ALPK1: variants seen among roughly 807,000 people sequenced by gnomAD.
The protein encoded by ALPK1 is alpha kinase 1.
ALPK1 carries 110 observed loss-of-function variants against 120.6 expected under a neutral mutation model. That is an observed-to-expected ratio of 0.91 (90% CI 0.78 to 1.07). The LOEUF (loss-of-function observed/expected upper bound fraction) is 1.07, where lower values mean the gene tolerates loss of function less well. Ranked by LOEUF, ALPK1 falls within the 50% of genes least tolerant of loss-of-function variation. The pLI is 0.00. For synonymous variants in ALPK1, 582 were observed against 560.3 expected (o/e 1.04, Z -0.55); for missense variants, 1,498 against 1,483.9 (o/e 1.01, Z -0.16).
chr4:112,380,899 G>A (rs1433147105), intron 3 of ALPK1, among the ~76,000 whole-genome samples: 1 of 152,166 alleles, frequency 6.6e-6, no homozygotes, highest in Non-Finnish European at 1.5e-5. Flanking sequence ...GCTCCCTTGG[G>A]TTTGGAAGTG....
At chr4:112,438,243 C>T (rs932810510) in intron 12 of ALPK1, among the ~76,000 whole-genome samples, 7 of 152,168 alleles carry the variant, frequency 4.6e-5, no homozygotes. Context: ...CATTAAGTGA[C>T]ACTTTCCCTT....
Position 112,431,235 on chromosome 4 carries a change from G to A in ALPK1, c.1688G>A (p.Ser563Asn), listed in dbSNP as rs771652027. ...VETETEPSDY[S>N]NGEGAVFNKS... Reference sequence around the variant, plus strand: ...ACTGAGACTGAGCCATCGGACTACAGCAATGGTGAGGGAGCTGTTTTCAAC... The same window carrying A: ...ACTGAGACTGAGCCATCGGACTACAACAATGGTGAGGGAGCTGTTTTCAAC... The change falls in exon 11 of 16, where the codon AGC becomes AAC. Residue 563 changes from serine (S) to asparagine (N), a missense_variant. Physicochemically the swap from Ser to Asn is conservative, Grantham distance 46 (BLOSUM62 1). Transcript: ENST00000650871. The A allele has an allele frequency of 4.3e-6, 7 of 1,614,076 alleles. No homozygotes were observed. Among genetic ancestry groups the A allele is most frequent in the Middle Eastern group, 1.6e-4 (1 of 6,084 alleles).
chr4:112,412,613 AG>A lies in ALPK1; in HGVS notation c.475+594del, dbSNP rs111782254. Among the ~76,000 whole-genome samples the A allele has an allele frequency of 3.9e-4, 50 of 128,974 alleles. 1 individual carries two copies. Among genetic ancestry groups the A allele is most frequent in the Middle Eastern group, 7.8e-3 (2 of 256 alleles). The allele number at this position is 128,974 out of a possible 152,430, so 84.6% of individuals were successfully genotyped here. On this transcript the variant is annotated intron_variant, in intron 5 of 15. Transcript: ENST00000650871. The stretch of plus-strand genomic sequence containing the variant: ...TGTGGTGTGGAAGAGGGCTGGGGGG[AG>A]GGGGGCCTGCTATGCGTTACTGCAA...
At chr4:112,433,055 T>C (rs1024316265) in intron 11 of ALPK1, among the ~76,000 whole-genome samples, 1 of 152,246 alleles carries the variant, frequency 6.6e-6, no homozygotes, top group African/African-American at 2.4e-5. Context: ...CCCATTAGAA[T>C]TCTATGGGGA....
In ALPK1 at chr4:112,441,617, G is replaced by T; in HGVS notation, c.*407G>T. The T allele has an allele frequency of 5.7e-6, 1 of 176,770 alleles. No individual in the cohort carries two copies. The highest frequency in any genetic ancestry group is 1.2e-5 in the Non-Finnish European group (1 of 83,734). The allele number at this position is 176,770 out of a possible 1,614,324, so 11.0% of individuals were successfully genotyped here. On this transcript the variant is annotated 3_prime_UTR_variant, in exon 16 of 16. Coordinates refer to ENST00000650871, the MANE Select transcript of ALPK1 (RefSeq NM_025144.4). Reference sequence around the variant, plus strand: ...AGCCTTTGTGATACGAATTCAATTTGTTTTCCTGTCTTTTGACATTTGACT... The same window carrying T: ...AGCCTTTGTGATACGAATTCAATTTTTTTTCCTGTCTTTTGACATTTGACT...
At chr4:112,357,479 G>A in intron 2 of ALPK1, 1 of 729,126 alleles carries the variant, frequency 1.4e-6, no homozygotes, top group South Asian at 1.6e-5. Flanking sequence ...AAGGTGCTGA[G>A]CTACTGGTGC....
chr4:112,415,901 T>C (rs1733726404), intron 5 of ALPK1, among the ~76,000 whole-genome samples: 1 of 152,100 alleles, frequency 6.6e-6, no homozygotes, highest in Admixed American at 6.5e-5. Context: ...AAATAAATCC[T>C]TAGAAAAATG....
At chr4:112,329,230 C>T (rs1037597862) in intron 2 of ALPK1, among the ~76,000 whole-genome samples, 18 of 152,150 alleles carry the variant, frequency 1.2e-4, no homozygotes, top group African/African-American at 2.7e-4. Context: ...CAAGCACTTA[C>T]GGAGAATTGT....
chr4:112,301,438 A>G (rs913337611), intron 1 of ALPK1, among the ~76,000 whole-genome samples: 15 of 152,138 alleles, frequency 9.9e-5, no homozygotes, highest in Non-Finnish European at 1.6e-4. Flanking sequence ...AACTGTTAGA[A>G]GCGCCCTTAC....
intron 4 of ALPK1, among the ~76,000 whole-genome samples, chr4:112,388,352 G>A (rs2148732719): frequency 6.6e-6 from 1 of 152,210 alleles, no homozygotes; most frequent in Non-Finnish European, 1.5e-5. Flanking sequence ...AGAGACTTTA[G>A]CAAAAGAAAG....
rs1009062905 is a variant in ALPK1, at chr4:112,389,144, A to C, written c.276+6592A>C. The stretch of plus-strand genomic sequence containing the variant: ...ACTGCTGCCTCCACCTCCCGGATTC[A>C]AGCGATTCTCCTGCCTCAGCCTCCT... On this transcript the variant is annotated intron_variant, in intron 4 of 15. Transcript: ENST00000650871. Among the ~76,000 whole-genome samples the C allele has an allele frequency of 2.6e-5, 4 of 151,362 alleles. No individual in the cohort carries two copies. In the South Asian group the frequency reaches 8.3e-4, roughly 31 times the overall value.
At chr4:112,375,455 T>G (rs547757610) in intron 2 of ALPK1, among the ~76,000 whole-genome samples, 2 of 152,202 alleles carry the variant, frequency 1.3e-5, no homozygotes, top group African/African-American at 4.8e-5. Flanking sequence ...CATCAGCCCT[T>G]GCTGCTTCAT....
intron 4 of ALPK1, among the ~76,000 whole-genome samples, chr4:112,409,916 G>A (rs1733376182): frequency 6.6e-6 from 1 of 152,060 alleles, no homozygotes; most frequent in African/African-American, 2.4e-5. Context: ...AAGATAAATA[G>A]AGTAAAAAAT....
intron 4 of ALPK1, among the ~76,000 whole-genome samples, chr4:112,404,106 T>C (rs1222484143): frequency 1.3e-5 from 2 of 152,232 alleles, no homozygotes; most frequent in African/African-American, 4.8e-5. Context: ...TCCAGTAACA[T>C]CAATCCTCGG....
chr4:112,420,517 A>G (rs1489999366), intron 5 of ALPK1, among the ~76,000 whole-genome samples: 1 of 152,220 alleles, frequency 6.6e-6, no homozygotes, highest in Non-Finnish European at 1.5e-5. Context: ...CTGGGGACAC[A>G]GAGACTTGTG....
rs10012180 is a variant in ALPK1 at position 112,410,298 on chromosome 4, T to C, written c.277-1529T>C. Among the ~76,000 whole-genome samples the C allele has an allele frequency of 4.6e-3, 706 of 152,314 alleles. 6 individuals are homozygous for C. The highest frequency in any genetic ancestry group is 0.016 in the African/African-American group (665 of 41,570). ...GTAGGATCTGGATTTGGACCTCCTGTGTTCAAACCCCAGCTCTTAGTCATG... is the reference window on the plus strand; with the variant it reads ...GTAGGATCTGGATTTGGACCTCCTGCGTTCAAACCCCAGCTCTTAGTCATG... On this transcript the variant is annotated intron_variant, in intron 4 of 15. Coordinates refer to ENST00000650871, the MANE Select transcript of ALPK1 (RefSeq NM_025144.4).
At chr4:112,394,520 G>T (rs1201366416) in intron 4 of ALPK1, among the ~76,000 whole-genome samples, 4 of 152,132 alleles carry the variant, frequency 2.6e-5, no homozygotes, top group Admixed American at 1.3e-4. Context: ...TAGCCCCAAG[G>T]CCTATGTATT....
intron 4 of ALPK1, 92 bp downstream of exon 4, chr4:112,382,644 C>T (rs780763100): frequency 1.3e-6 from 2 of 1,555,464 alleles, no homozygotes; most frequent in Non-Finnish European, 1.8e-6. Flanking sequence ...CTTTGAAGCA[C>T]AAGACAGCCC....
chr4:112,327,632 G>T (rs925539973), intron 2 of ALPK1, among the ~76,000 whole-genome samples: 5 of 151,974 alleles, frequency 3.3e-5, no homozygotes, highest in Non-Finnish European at 5.9e-5. Context: ...TAGAGATGGG[G>T]TCTCTACAAA....
Sources: gnomAD v4.1 joint callset for allele counts (sites outside exome capture counted in the v4.1 genomes callset) on GRCh38, gnomAD v4.1.1 for gene constraint, MANE v1.5 for transcripts, NCBI Gene and HGNC (gene_info 2026-07-23, HGNC 2026-07-21) for gene names.